The following TRPM7 variants were observed in gnomAD, a reference collection of about 807,000 sequenced individuals.
The protein encoded by TRPM7 is transient receptor potential cation channel subfamily M member 7, also known as LTRPC ion channel family member 7.
In TRPM7, 134 loss-of-function variants were observed where a neutral mutation model predicts 229.7. The ratio of observed to expected loss-of-function variants is 0.58; its 90% CI spans 0.51 to 0.67. TRPM7 has a LOEUF of 0.67. Among genes scored for constraint, TRPM7 ranks in the 30% least tolerant of loss-of-function variants. TRPM7 has a pLI of 0.00. For synonymous variants in TRPM7, 699 were observed against 715.2 expected (o/e 0.98, Z 0.36); for missense variants, 1,901 against 2,210.0 (o/e 0.86, Z 2.80).
At chr15:50,678,085 C>A (rs1044511965) in intron 1 of TRPM7, among the ~76,000 whole-genome samples, 19 of 150,084 alleles carry the variant, frequency 1.3e-4, no homozygotes, top group Non-Finnish European at 2.2e-4. Flanking sequence ...TAAAAAAATA[C>A]AAAAAATCAG....
At chr15:50,646,774 T>A (rs779282845) in intron 4 of TRPM7, among the ~76,000 whole-genome samples, 2 of 152,212 alleles carry the variant, frequency 1.3e-5, no homozygotes, top group African/African-American at 2.4e-5. Flanking sequence ...CACATTTTGA[T>A]TAATGATGAA....
At chr15:50,683,059 A>AT (rs1237433386) in intron 1 of TRPM7, among the ~76,000 whole-genome samples, 6 of 150,892 alleles carry the variant, frequency 4.0e-5, no homozygotes, top group African/African-American at 9.7e-5. Context: ...ATGTTTTTTT[A>AT]TTTTTTTTGG....
intron 1 of TRPM7, among the ~76,000 whole-genome samples, chr15:50,673,278 C>T (rs2062028907): frequency 1.3e-5 from 2 of 152,206 alleles, no homozygotes; most frequent in Middle Eastern, 3.4e-3. Context: ...TTGTTTTTTA[C>T]TTATTTCCAT....
Position 50,677,738 on chromosome 15 carries a change from CAAAAAA to C in TRPM7, c.3+8787_3+8792del, listed in dbSNP as rs10652951. Among the ~76,000 whole-genome samples the C allele has an allele frequency of 2.4e-4, 9 of 38,162 alleles. No homozygotes were observed. The Admixed American group carries it at 2.7e-3, about 11-fold the overall frequency. The allele number at this position is 38,162 out of a possible 152,430, so 25.0% of individuals were successfully genotyped here. A position where few individuals can be genotyped will look rare whatever the true frequency, so the allele number is the denominator to read the frequency against. On this transcript the variant is annotated intron_variant, in intron 1 of 38. Transcript: ENST00000646667. The stretch of plus-strand genomic sequence containing the variant: ...TGGGCAACAGAACAAGACCCCGTAT[CAAAAAA>C]AAAAAAAAAAAAAAAACAAAAGGTA...
At position 50,677,252 on chromosome 15, in the gene TRPM7, T is replaced by TC. The variant is rs1423662645; in HGVS notation, c.3+9278dup. ...GTATCTCTTCTTCTAAGGACATAAA[T>TC]CCTATCAGACCCAGGGCCCCACCCT... On this transcript the variant is annotated intron_variant, in intron 1 of 38. Transcript: ENST00000646667. 9.9e-5 allele frequency among the ~76,000 whole-genome samples: 15 copies of TC among 151,978 alleles called. No individual in the cohort carries two copies. In the East Asian group the frequency reaches 2.9e-3, roughly 29 times the overall value.
chr15:50,630,025 CTAA>C (rs2060685467), intron 10 of TRPM7, among the ~76,000 whole-genome samples: 1 of 151,938 alleles, frequency 6.6e-6, no homozygotes, highest in Non-Finnish European at 1.5e-5. Flanking sequence ...CCACCCCCAG[CTAA>C]TTTTTGTATT....
chr15:50,655,557 T>C (rs1477139898), intron 3 of TRPM7, among the ~76,000 whole-genome samples: 1 of 151,720 alleles, frequency 6.6e-6, no homozygotes, highest in Non-Finnish European at 1.5e-5. Flanking sequence ...ATAGACATGC[T>C]GCTGAAAACC....
In TRPM7 at chr15:50,612,773, G is replaced by A; in HGVS notation, c.1827C>T (p.Asp609=). The A allele has an allele frequency of 1.2e-6, 2 of 1,613,996 alleles. No individual in the cohort carries two copies. Among genetic ancestry groups the A allele is most frequent in the South Asian group, 2.2e-5 (2 of 91,074 alleles). Residue 609 remains aspartate (D), a synonymous_variant, in exon 16 of 39, where the codon GAC becomes GAT. Transcript: ENST00000646667. ...KKKRTKDEIV[D]IDDPETKRFP... ...AGCGCTTGGTTTCTGGATCATCAAT[G>A]TCTACAATTTCATCTTTGGTTCTTT... is the stretch of plus-strand genomic sequence containing the variant.
chr15:50,665,854 G>A (rs2140935539), intron 1 of TRPM7, among the ~76,000 whole-genome samples: 1 of 152,166 alleles, frequency 6.6e-6, no homozygotes, highest in East Asian at 1.9e-4. Flanking sequence ...TTAGCAGAGT[G>A]TTGTGGTGGG....
Position 50,686,745 on chromosome 15 carries a change from C to T in TRPM7, c.-212G>A. 1 of 593,642 alleles carries T rather than the reference C, an allele frequency of 1.7e-6. No homozygotes were observed. 36.8% of individuals were successfully genotyped at this position (593,642 alleles called of 1,614,324 possible). A position where few individuals can be genotyped will look rare whatever the true frequency, so the allele number is the denominator to read the frequency against. On this transcript the variant is annotated 5_prime_UTR_variant, in exon 1 of 39. Coordinates refer to ENST00000646667, the MANE Select transcript of TRPM7 (RefSeq NM_017672.6). Reference sequence around the variant, plus strand: ...TTGTGCGACCAACTCCTCCGGGTGACTGGCCACAGGGACGCGCCCGCGCCC... The same window carrying T: ...TTGTGCGACCAACTCCTCCGGGTGATTGGCCACAGGGACGCGCCCGCGCCC...
chr15:50,580,924 A>AAAAC lies in TRPM7; in HGVS notation c.4558-17_4558-16insGTTT. 2 of 1,570,806 alleles carry AAAAC rather than the reference A, an allele frequency of 1.3e-6. No individual in the cohort carries two copies. Among genetic ancestry groups the AAAAC allele is most frequent in the South Asian group, 1.2e-5 (1 of 83,212 alleles). The stretch of plus-strand genomic sequence containing the variant: ...GTAACCAATCCTTCAGTAAAAAAAA[A>AAAAC]ACACACACACACAAAAACCTTAAAG... On this transcript the variant is annotated splice_polypyrimidine_tract_variant and intron_variant, in intron 29 of 38. Coordinates refer to ENST00000646667, the MANE Select transcript of TRPM7 (RefSeq NM_017672.6).
intron 28 of TRPM7, among the ~76,000 whole-genome samples, chr15:50,584,579 C>T (rs528784629): frequency 1.1e-3 from 159 of 149,394 alleles, no homozygotes; most frequent in African/African-American, 3.7e-3. Flanking sequence ...TGATCACTTA[C>T]TAGAAATGCT....
intron 1 of TRPM7, among the ~76,000 whole-genome samples, chr15:50,677,760 A>C (rs1426243666): frequency 1.5e-5 from 2 of 135,500 alleles, no homozygotes; most frequent in South Asian, 2.4e-4. Context: ...AAAAAAAAAA[A>C]CAAAAGGTAA....
rs1491231732 is a variant in TRPM7, at chr15:50,623,488, C to CT, written c.1440+677_1440+678insA. Among the ~76,000 whole-genome samples, 52 of 85,554 alleles carry CT rather than the reference C, an allele frequency of 6.1e-4. 2 individuals are homozygous for CT. The South Asian group carries it at 0.013, about 22-fold the overall frequency. 56.1% of individuals were successfully genotyped at this position (85,554 alleles called of 152,430 possible). Reference sequence around the variant, plus strand: ...CATTTACCATCTTATTGCTGCCCCGCCCCCTCCCCGCCCCGCCCTGGATTT... The same window carrying CT: ...CATTTACCATCTTATTGCTGCCCCGCTCCCCTCCCCGCCCCGCCCTGGATTT... On this transcript the variant is annotated intron_variant, in intron 12 of 38. Coordinates refer to ENST00000646667, the MANE Select transcript of TRPM7 (RefSeq NM_017672.6).
At chr15:50,593,045 C>T (rs961561991) in intron 25 of TRPM7, among the ~76,000 whole-genome samples, 3 of 152,084 alleles carry the variant, frequency 2.0e-5, no homozygotes, top group Non-Finnish European at 4.4e-5. Flanking sequence ...AATCCCAGAA[C>T]TTTGGGAGGC....
Position 50,610,222 on chromosome 15 carries a change from AATT to A in TRPM7, c.2281-264_2281-262del, listed in dbSNP as rs1020456032. Among the ~76,000 whole-genome samples, 19 of 152,188 alleles carry A rather than the reference AATT, an allele frequency of 1.2e-4. No homozygotes were observed. The South Asian group carries it at 3.7e-3, about 30-fold the overall frequency. On this transcript the variant is annotated intron_variant, in intron 17 of 38. Coordinates refer to ENST00000646667, the MANE Select transcript of TRPM7 (RefSeq NM_017672.6). ...AATAAGGGTATAGGATAGATTTAATAATTATTATAGACTTGTCCTTTAAATAAA... is the reference window on the plus strand; with the variant it reads ...AATAAGGGTATAGGATAGATTTAATAATTATAGACTTGTCCTTTAAATAAA...
chr15:50,612,146 A>C (rs552070654), intron 16 of TRPM7, among the ~76,000 whole-genome samples: 1 of 152,286 alleles, frequency 6.6e-6, no homozygotes, highest in East Asian at 1.9e-4. Flanking sequence ...GCTGGAGTGC[A>C]ATGGCATGAT....
Position 50,574,406 on chromosome 15 carries a change from C to T in TRPM7, c.5176G>A (p.Glu1726Lys). ...WFAVEECMTGEFRKYNNNNGD... is the reference protein window; with the variant it reads ...WFAVEECMTGKFRKYNNNNGD... ...TTATTATTGTTGTATTTTCTAAATT[C>T]TCCAGTCATACATTCTTCCACAGCA... Residue 1726 changes from glutamate to lysine, a missense_variant, in exon 36 of 39, where the codon GAA (glutamate) becomes AAA (lysine). By Grantham distance (56) the Glu-to-Lys change is moderately conservative. This residue lies in a region of TRPM7 where 257 missense variants were observed against 352.0 expected (regional missense o/e 0.73). Coordinates refer to ENST00000646667, the MANE Select transcript of TRPM7 (RefSeq NM_017672.6). 1 of 1,613,886 alleles carries T rather than the reference C, an allele frequency of 6.2e-7. No individual in the cohort carries two copies. Among genetic ancestry groups the T allele is most frequent in the Non-Finnish European group, 8.5e-7 (1 of 1,179,974 alleles).
chr15:50,587,316 T>A (rs977865727), intron 27 of TRPM7, among the ~76,000 whole-genome samples: 1 of 151,942 alleles, frequency 6.6e-6, no homozygotes, highest in Non-Finnish European at 1.5e-5. Context: ...GTTTTTTAGG[T>A]ACTTAAATCT....
Sources: gnomAD v4.1 joint callset for allele counts (sites outside exome capture counted in the v4.1 genomes callset) on GRCh38, gnomAD v4.1.1 for gene constraint, gnomAD v4.1.1 regional missense constraint, MANE v1.5 for transcripts, NCBI Gene and HGNC (gene_info 2026-07-23, HGNC 2026-07-21) for gene names.